The following CDH22 variants were observed in gnomAD, a reference collection of about 807,000 sequenced individuals.
The protein encoded by CDH22 is cadherin-22.
Under a neutral mutation model 58.4 loss-of-function variants are expected in CDH22, and 30 were observed. That is an observed-to-expected ratio of 0.51 (90% CI 0.38 to 0.70). The LOEUF (loss-of-function observed/expected upper bound fraction) is 0.70, where lower values mean the gene tolerates loss of function less well. CDH22 is among the 30% of genes least tolerant of loss of function. The pLI is 0.00. For synonymous variants in CDH22, 513 were observed against 558.2 expected (o/e 0.92, Z 1.14); for missense variants, 1,014 against 1,233.9 (o/e 0.82, Z 2.67).
At chr20:46,288,955 C>T (rs1439407245) in intron 1 of CDH22, among the ~76,000 whole-genome samples, 1 of 152,216 alleles carries the variant, frequency 6.6e-6, no homozygotes, top group Non-Finnish European at 1.5e-5. Flanking sequence ...CAGGCCGTAA[C>T]ACTCCTTCTC....
At chr20:46,292,311 C>T (rs1025600009) in intron 1 of CDH22, among the ~76,000 whole-genome samples, 8 of 152,228 alleles carry the variant, frequency 5.3e-5, no homozygotes, top group African/African-American at 1.9e-4. Context: ...TTTCAGAGCC[C>T]TCTGCTCTCC....
chr20:46,254,128 AATCAGTT>A (rs2086394652), intron 1 of CDH22, among the ~76,000 whole-genome samples: 2 of 152,230 alleles, frequency 1.3e-5, no homozygotes, highest in Admixed American at 6.5e-5. Context: ...AGCAAGATGC[AATCAGTT>A]ATTCAGCGAT....
chr20:46,173,999 T>G lies in CDH22; in HGVS notation c.*507A>C, dbSNP rs2085714902. The G allele has an allele frequency of 6.5e-6, 1 of 154,010 alleles. No homozygotes were observed. The highest frequency in any genetic ancestry group is 1.4e-5 in the Non-Finnish European group (1 of 69,420). The allele number at this position is 154,010 out of a possible 1,614,324, so 9.5% of individuals were successfully genotyped here. On this transcript the variant is annotated 3_prime_UTR_variant, in exon 12 of 12. Coordinates refer to ENST00000537909, the MANE Select transcript of CDH22 (RefSeq NM_021248.3). ...TCACAGCCACTTCTCTGGGGTCCTTTCCCCTTCTATTCCGTGCAGGACACC... is the reference window on the plus strand; with the variant it reads ...TCACAGCCACTTCTCTGGGGTCCTTGCCCCTTCTATTCCGTGCAGGACACC...
intron 4 of CDH22, among the ~76,000 whole-genome samples, chr20:46,224,164 ATCTAAG>A (rs1482903686): frequency 2.0e-5 from 3 of 152,132 alleles, no homozygotes; most frequent in Non-Finnish European, 4.4e-5. Context: ...TGAAGTCTTA[ATCTAAG>A]TCCTTCCTCT....
intron 7 of CDH22, among the ~76,000 whole-genome samples, chr20:46,199,941 C>CCTTCTTT (rs1555801609): frequency 2.0e-4 from 4 of 20,014 alleles, no homozygotes; most frequent in African/African-American, 5.5e-4. Context: ...TTCCTTCCTT[C>CCTTCTTT]CTTCTTTTTC....
At chr20:46,289,553 G>A (rs1281601732) in intron 1 of CDH22, among the ~76,000 whole-genome samples, 2 of 152,172 alleles carry the variant, frequency 1.3e-5, no homozygotes, top group South Asian at 4.1e-4. Context: ...GTCTCCCCCA[G>A]CAGACAGCGG....
intron 7 of CDH22, among the ~76,000 whole-genome samples, chr20:46,200,216 T>C (rs578134413): frequency 1.8e-3 from 275 of 152,136 alleles, no homozygotes; most frequent in Middle Eastern, 6.8e-3. Flanking sequence ...CCTCGTGATC[T>C]GCCCGCCTTG....
chr20:46,233,698 A>C (rs1417532037), intron 3 of CDH22, among the ~76,000 whole-genome samples: 2 of 152,162 alleles, frequency 1.3e-5, no homozygotes, highest in Non-Finnish European at 1.5e-5. Context: ...AGAGACAGGG[A>C]TATATTCCTC....
chr20:46,242,931 G>C (rs557460432), intron 2 of CDH22, among the ~76,000 whole-genome samples: 2 of 152,280 alleles, frequency 1.3e-5, no homozygotes, highest in African/African-American at 4.8e-5. Context: ...GATCTCTTGG[G>C]TGAGGAACCA....
chr20:46,270,541 G>T (rs1008577890), intron 1 of CDH22, among the ~76,000 whole-genome samples: 1 of 152,212 alleles, frequency 6.6e-6, no homozygotes, highest in African/African-American at 2.4e-5. Flanking sequence ...CCTTGTTCAA[G>T]CCTGAATCCT....
intron 8 of CDH22, 139 bp downstream of exon 8, chr20:46,199,284 C>T: frequency 9.8e-7 from 1 of 1,023,186 alleles, no homozygotes; most frequent in Non-Finnish European, 1.4e-6. Flanking sequence ...TTCGCACCAT[C>T]CCCAACCTTT....
intron 1 of CDH22, among the ~76,000 whole-genome samples, chr20:46,275,166 T>C (rs943283567): frequency 3.3e-5 from 5 of 152,226 alleles, no homozygotes; most frequent in Non-Finnish European, 7.3e-5. Flanking sequence ...TCTATAAGGC[T>C]CTACATGATC....
chr20:46,184,138 G>A (rs2085808638), intron 10 of CDH22, among the ~76,000 whole-genome samples: 1 of 149,792 alleles, frequency 6.7e-6, no homozygotes, highest in Non-Finnish European at 1.5e-5. Context: ...CGCTCTTGTT[G>A]CCCGGGCTGG....
intron 1 of CDH22, among the ~76,000 whole-genome samples, chr20:46,301,250 G>A (rs1287681867): frequency 6.6e-6 from 1 of 151,930 alleles, no homozygotes; most frequent in East Asian, 1.9e-4. Context: ...GAATCACTCT[G>A]TATTAAATAC....
intron 7 of CDH22, among the ~76,000 whole-genome samples, chr20:46,204,538 G>A (rs564220108): frequency 6.6e-6 from 1 of 151,746 alleles, no homozygotes; most frequent in Non-Finnish European, 1.5e-5. Flanking sequence ...ACTTTTCTTT[G>A]TTGAGCAAGA....
rs369876048 is a variant in CDH22 at position 46,223,666 on chromosome 20, CTTCTTTCT to C, written c.670+3834_670+3841del. 8.2e-3 allele frequency among the ~76,000 whole-genome samples: 950 copies of C among 115,558 alleles called. 12 individuals are homozygous for C. The highest frequency in any genetic ancestry group is 0.022 in the South Asian group (70 of 3,186). 75.8% of individuals were successfully genotyped at this position (115,558 alleles called of 152,430 possible). ...CTTTCTTTCTCTTTCTTTTTCTTTC[CTTCTTTCT>C]TTCTTTCTTTCTTTCTTTCTTTCTT... On this transcript the variant is annotated intron_variant, in intron 4 of 11. Coordinates refer to ENST00000537909, the MANE Select transcript of CDH22 (RefSeq NM_021248.3).
At chr20:46,232,698 G>C (rs2086227848) in intron 3 of CDH22, among the ~76,000 whole-genome samples, 1 of 152,062 alleles carries the variant, frequency 6.6e-6, no homozygotes, top group East Asian at 1.9e-4. Context: ...AAAACCACTT[G>C]TCGAGTCTCT....
intron 1 of CDH22, among the ~76,000 whole-genome samples, chr20:46,299,246 C>A (rs1001116026): frequency 2.0e-5 from 3 of 152,222 alleles, no homozygotes; most frequent in Non-Finnish European, 4.4e-5. Flanking sequence ...CTCCTCTTTG[C>A]TCATGCTCTT....
At chr20:46,263,969 C>T (rs2086446561) in intron 1 of CDH22, among the ~76,000 whole-genome samples, 1 of 152,004 alleles carries the variant, frequency 6.6e-6, no homozygotes, top group Admixed American at 6.6e-5. Flanking sequence ...ACCAGGGAGG[C>T]TGGCGTGGGA....
Sources: allele counts gnomAD v4.1 joint callset (sites outside exome capture counted in the v4.1 genomes callset), GRCh38; gene constraint gnomAD v4.1.1; transcripts MANE v1.5; gene names NCBI Gene and HGNC (gene_info 2026-07-23, HGNC 2026-07-21).